Variants in SDHB observed in about 807,000 individuals in gnomAD.
SDHB encodes the protein succinate dehydrogenase [ubiquinone] iron-sulfur subunit, mitochondrial.
Under a neutral mutation model 39.7 loss-of-function variants are expected in SDHB, and 21 were observed. The observed-to-expected ratio is 0.53, with a 90% confidence interval of 0.37 to 0.76. The LOEUF is 0.76. SDHB is among the 30% of genes least tolerant of loss of function. The probability of loss-of-function intolerance (pLI) is 0.00; values close to 1 mark genes in which losing one functional copy is unlikely to be tolerated. For synonymous variants in SDHB, 118 were observed against 117.0 expected, an observed-to-expected ratio of 1.01 and a Z score of -0.06; for missense variants, 343 against 350.9, an observed-to-expected ratio of 0.98 and a Z score of 0.18.
Position 17,053,933 on chromosome 1 carries a change from G to A in SDHB, c.72+15C>T. The A allele has an allele frequency of 1.2e-6, 2 of 1,607,718 alleles. No individual in the cohort carries two copies. The highest frequency in any genetic ancestry group is 2.2e-5 in the South Asian group (2 of 90,440). ...GCTTTCCTGACTTTTCCCTCTCTGA[G>A]GCTCCAGGACTCACCTGCAGGCAGG... On this transcript the variant is annotated intron_variant, in intron 1 of 7. Coordinates refer to ENST00000375499, the MANE Select transcript of SDHB (RefSeq NM_003000.3).
intron 2 of SDHB, among the ~76,000 whole-genome samples, chr1:17,037,299 T>G (rs963358985): frequency 1.2e-4 from 17 of 146,520 alleles, no homozygotes; most frequent in African/African-American, 4.3e-4. Flanking sequence ...GTCTTATATT[T>G]TCTTTTCTTT....
chr1:17,024,015 C>A lies in SDHB; in HGVS notation c.600G>T (p.Trp200Cys), dbSNP rs397516836. 11 of 1,613,960 alleles carry A rather than the reference C, an allele frequency of 6.8e-6. No homozygotes were observed. The highest frequency in any genetic ancestry group is 1.3e-5 in the African/African-American group (1 of 74,930). ...ACCSTSCPSY[W>C]WNGDKYLGPA... The stretch of plus-strand genomic sequence containing the variant: ...GCCCCAGATATTTGTCTCCGTTCCA[C>A]CAGTAGCTGGGGCAGCTGGTGCTAC... The change falls in exon 6 of 8, where the codon TGG becomes TGT. Residue 200 changes from tryptophan to cysteine, a missense_variant. Physicochemically the swap from Trp to Cys is radical, Grantham distance 215. Transcript: ENST00000375499.
At chr1:17,034,987 AG>A (rs2078043497) in intron 2 of SDHB, among the ~76,000 whole-genome samples, 1 of 152,184 alleles carries the variant, frequency 6.6e-6, no homozygotes, top group Non-Finnish European at 1.5e-5. Context: ...TCTGTTCCAG[AG>A]GACTCATTCT....
At chr1:17,039,448 A>C (rs938833822) in intron 2 of SDHB, among the ~76,000 whole-genome samples, 1 of 148,594 alleles carries the variant, frequency 6.7e-6, no homozygotes, top group South Asian at 2.1e-4. Flanking sequence ...TTGGCCAGGC[A>C]TAGTGGTACA....
chr1:17,021,264 T>C (rs1172208782), intron 7 of SDHB, among the ~76,000 whole-genome samples: 1 of 152,348 alleles, frequency 6.6e-6, no homozygotes, highest in East Asian at 1.9e-4. Flanking sequence ...GCCATTATCA[T>C]AGGAGTAAGT....
intron 2 of SDHB, 119 bp from the exon 3 acceptor site, chr1:17,033,264 C>G: frequency 1.2e-6 from 1 of 817,086 alleles, no homozygotes; most frequent in Non-Finnish European, 2.1e-6. Context: ...CTCAGGTCAC[C>G]TTCGGAATTT....
In SDHB at chr1:17,018,930, T is replaced by C. The variant is rs1469877501; in HGVS notation, c.794A>G (p.Glu265Gly). The change falls in exon 8 of 8, where the codon GAG becomes GGG. Residue 265 changes from glutamate (E) to glycine (G), a missense_variant. Transcript: ENST00000375499. ...KGLNPGKAIA[E>G]IKKMMATYKE... ...ATAGGTTGCCATCATTTTCTTGATCTCTGCAATAGCTTTCCCTGGATTCAG... is the reference window on the plus strand; with the variant it reads ...ATAGGTTGCCATCATTTTCTTGATCCCTGCAATAGCTTTCCCTGGATTCAG... 9 of 1,612,756 alleles carry C rather than the reference T, an allele frequency of 5.6e-6. No individual in the cohort carries two copies. The highest frequency in any genetic ancestry group is 7.6e-6 in the Non-Finnish European group (9 of 1,179,062).
chr1:17,049,712 T>G (rs2078134807), intron 1 of SDHB, among the ~76,000 whole-genome samples: 1 of 123,066 alleles, frequency 8.1e-6, no homozygotes, highest in Non-Finnish European at 1.6e-5. Context: ...CAGGCTGGAG[T>G]GGAGTGGCGA....
chr1:17,049,589 GC>G (rs2078133173), intron 1 of SDHB, among the ~76,000 whole-genome samples: 1 of 145,880 alleles, frequency 6.9e-6, no homozygotes, highest in African/African-American at 2.5e-5. Flanking sequence ...GAGCAACCGC[GC>G]CTGGCCCCTA....
intron 6 of SDHB, 29 bp from the exon 7 acceptor site, chr1:17,022,759 T>C: frequency 6.2e-7 from 1 of 1,608,538 alleles, no homozygotes; most frequent in East Asian, 2.2e-5. Flanking sequence ...TTAGCTGAGC[T>C]GCCAATCAAC....
At chr1:17,046,539 A>G (rs2078111092) in intron 1 of SDHB, among the ~76,000 whole-genome samples, 1 of 151,964 alleles carries the variant, frequency 6.6e-6, no homozygotes, top group South Asian at 2.1e-4. Context: ...CCCTTTTCCT[A>G]CCCTTAGCAA....
Position 17,036,686 on chromosome 1 carries a change from A to G in SDHB, c.201-3541T>C. On this transcript the variant is annotated intron_variant, in intron 2 of 7. Transcript: ENST00000375499. ...AGCAGGGTTTTACATATATAAATAT[A>G]AATATTTATATAAATATGAATATAT... Among the ~76,000 whole-genome samples, 3 of 144,402 alleles carry G rather than the reference A, an allele frequency of 2.1e-5. No individual in the cohort carries two copies. In the South Asian group the frequency reaches 6.3e-4, roughly 30 times the overall value. The allele number at this position is 144,402 out of a possible 152,430, so 94.7% of individuals were successfully genotyped here.
chr1:17,052,884 T>C (rs1346066590), intron 1 of SDHB, among the ~76,000 whole-genome samples: 2 of 152,214 alleles, frequency 1.3e-5, no homozygotes, highest in Non-Finnish European at 2.9e-5. Flanking sequence ...CCAAGATCTA[T>C]GCTAAGGAGT....
At chr1:17,028,550 A>T (rs1268275080) in intron 4 of SDHB, 50 bp downstream of exon 4, 1 of 1,600,656 alleles carries the variant, frequency 6.2e-7, no homozygotes, top group Non-Finnish European at 8.6e-7. Flanking sequence ...CACACATAGC[A>T]CTGCCCCCCA....
intron 4 of SDHB, 76 bp from the exon 5 acceptor site, chr1:17,027,941 C>G: frequency 2.2e-6 from 2 of 890,096 alleles, no homozygotes; most frequent in East Asian, 5.0e-5. Flanking sequence ...TTTATTTACC[C>G]CATTTCTTGG....
chr1:17,030,748 C>T (rs1423026796), intron 3 of SDHB, among the ~76,000 whole-genome samples: 1 of 151,508 alleles, frequency 6.6e-6, no homozygotes, highest in Non-Finnish European at 1.5e-5. Context: ...GTGGCACGAT[C>T]TCGGCTTACT....
chr1:17,050,018 G>C (rs936551580), intron 1 of SDHB, among the ~76,000 whole-genome samples: 1 of 152,072 alleles, frequency 6.6e-6, no homozygotes, highest in African/African-American at 2.4e-5. Context: ...ATCAAGCTGG[G>C]TATCAGAACC....
At chr1:17,049,560 G>C (rs1032362537) in intron 1 of SDHB, among the ~76,000 whole-genome samples, 11 of 148,870 alleles carry the variant, frequency 7.4e-5, no homozygotes, top group Non-Finnish European at 1.5e-4. Flanking sequence ...GCGTTCCAAA[G>C]TGTTGGGATT....
chr1:17,050,655 C>CAAAA (rs34806121), intron 1 of SDHB, among the ~76,000 whole-genome samples: 1 of 134,894 alleles, frequency 7.4e-6, no homozygotes, highest in Non-Finnish European at 1.6e-5. Context: ...GACTCTGTCT[C>CAAAA]AAAAAAAAAA....
Sources: allele counts gnomAD v4.1 joint callset (sites outside exome capture counted in the v4.1 genomes callset), GRCh38; gene constraint gnomAD v4.1.1; transcripts MANE v1.5; gene names NCBI Gene and HGNC (gene_info 2026-07-23, HGNC 2026-07-21).